MROH2B: variants seen among roughly 807,000 people sequenced by gnomAD.
The protein encoded by MROH2B is maestro heat-like repeat-containing protein family member 2B.
In MROH2B, 177 loss-of-function variants were observed where a neutral mutation model predicts 208.6. The observed-to-expected ratio is 0.85, with a 90% CI of 0.75 to 0.96. The LOEUF (loss-of-function observed/expected upper bound fraction) is 0.96, where lower values mean the gene tolerates loss of function less well. Among genes scored for constraint, MROH2B ranks in the 40% least tolerant of loss-of-function variants. MROH2B has a pLI of 0.00. For missense variants in MROH2B, 2,002 were observed against 1,878.7 expected, an observed-to-expected ratio of 1.07 and a Z score of -1.21; for synonymous variants, 728 against 659.0, an observed-to-expected ratio of 1.10 and a Z score of -1.60.
chr5:41,005,647 T>C lies in MROH2B; in HGVS notation c.3750-2A>G, dbSNP rs1299788652. ...CCGTGTTGCCACACTGCCATGCTCC[T>C]AGAAAATGCACATTTTAGCAGAGAC... On this transcript the variant is annotated splice_acceptor_variant, in intron 34 of 41. Coordinates refer to ENST00000399564, the MANE Select transcript of MROH2B (RefSeq NM_173489.5). LOFTEE classifies it high-confidence loss of function. The C allele has an allele frequency of 6.2e-7, 1 of 1,604,204 alleles. No individual in the cohort carries two copies. Among genetic ancestry groups the C allele is most frequent in the South Asian group, 1.1e-5 (1 of 89,342 alleles).
chr5:41,002,972 T>G (rs1055976276), intron 37 of MROH2B, among the ~76,000 whole-genome samples: 2 of 151,832 alleles, frequency 1.3e-5, no homozygotes, highest in East Asian at 3.9e-4. Context: ...TTTTTTTTTT[T>G]TTTTTGAGAT....
At chr5:40,998,226 G>T in intron 41 of MROH2B, 68 bp from the exon 42 acceptor site, 2 of 1,322,322 alleles carry the variant, frequency 1.5e-6, no homozygotes, top group Non-Finnish European at 2.1e-6. Context: ...GGCAAACCAA[G>T]CCAAGGCCCA....
chr5:41,057,409 C>T, intron 7 of MROH2B, 49 bp from the exon 8 acceptor site: 2 of 1,397,872 alleles, frequency 1.4e-6, no homozygotes, highest in Non-Finnish European at 2.0e-6. Context: ...AGGGAAGCAG[C>T]TGCACAGGAT....
intron 34 of MROH2B, among the ~76,000 whole-genome samples, chr5:41,006,758 T>C (rs567737218): frequency 6.6e-6 from 1 of 152,326 alleles, no homozygotes; most frequent in Non-Finnish European, 1.5e-5. Context: ...CATTGTATGT[T>C]CTGTCTCATA....
intron 11 of MROH2B, among the ~76,000 whole-genome samples, chr5:41,053,203 G>C (rs927522219): frequency 6.6e-6 from 1 of 152,126 alleles, no homozygotes; most frequent in African/African-American, 2.4e-5. Context: ...TATGAAAACT[G>C]GATTTTTGTT....
At chr5:41,019,348 G>GAA (rs1742068438) in intron 24 of MROH2B, among the ~76,000 whole-genome samples, 1 of 145,644 alleles carries the variant, frequency 6.9e-6, no homozygotes, top group Non-Finnish European at 1.5e-5. Flanking sequence ...GTGTGTGAGA[G>GAA]AGAGTGAGAA....
At chr5:41,024,400 A>G (rs1372352423) in intron 24 of MROH2B, among the ~76,000 whole-genome samples, 1 of 152,208 alleles carries the variant, frequency 6.6e-6, no homozygotes, top group Non-Finnish European at 1.5e-5. Context: ...CTCTGATAAA[A>G]CAGACTTTAA....
intron 37 of MROH2B, among the ~76,000 whole-genome samples, chr5:41,001,476 A>G (rs757828613): frequency 6.6e-5 from 10 of 152,128 alleles, no homozygotes; most frequent in African/African-American, 2.4e-4. Flanking sequence ...CTTTGGGAGC[A>G]GAGGCAGGCA....
intron 9 of MROH2B, among the ~76,000 whole-genome samples, chr5:41,056,201 A>G (rs1344295343): frequency 6.6e-6 from 1 of 152,194 alleles, no homozygotes; most frequent in African/African-American, 2.4e-5. Flanking sequence ...CATGGGGCAC[A>G]GTGAGAACAC....
At chr5:41,001,109 G>A (rs575022106) in intron 37 of MROH2B, among the ~76,000 whole-genome samples, 1 of 152,304 alleles carries the variant, frequency 6.6e-6, no homozygotes, top group Admixed American at 6.5e-5. Flanking sequence ...GTGGGGAAGT[G>A]TGACCAGGAC....
At chr5:41,013,677 G>A (rs1037643868) in intron 29 of MROH2B, among the ~76,000 whole-genome samples, 3 of 152,174 alleles carry the variant, frequency 2.0e-5, no homozygotes, top group Non-Finnish European at 2.9e-5. Context: ...AATGCTTGCC[G>A]GTTGTCCAAG....
At chr5:41,064,300 T>A (rs1743730140) in intron 5 of MROH2B, among the ~76,000 whole-genome samples, 172 bp downstream of exon 5, 1 of 152,232 alleles carries the variant, frequency 6.6e-6, no homozygotes, top group African/African-American at 2.4e-5. Context: ...GATGATTGAA[T>A]GAGATAACTC....
intron 24 of MROH2B, among the ~76,000 whole-genome samples, chr5:41,026,375 A>T (rs1018198987): frequency 3.9e-5 from 6 of 152,208 alleles, no homozygotes; most frequent in African/African-American, 1.4e-4. Context: ...AATCACAAGC[A>T]TTCTTATACA....
At chr5:41,042,667 C>T (rs547273211) in intron 18 of MROH2B, among the ~76,000 whole-genome samples, 153 of 152,190 alleles carry the variant, frequency 1.0e-3, no homozygotes, top group African/African-American at 3.5e-3. Flanking sequence ...TGCAGTGGTG[C>T]GATCTTGGCT....
chr5:40,998,489 C>T (rs1393007670), intron 41 of MROH2B, 123 bp downstream of exon 41: 26 of 775,818 alleles, frequency 3.4e-5, no homozygotes, highest in Non-Finnish European at 5.1e-5. Flanking sequence ...TAGAGAGCAT[C>T]AGAGACAATA....
At chr5:41,061,039 C>T (rs1743621858) in intron 6 of MROH2B, among the ~76,000 whole-genome samples, 2 of 152,172 alleles carry the variant, frequency 1.3e-5, no homozygotes, top group South Asian at 4.1e-4. Flanking sequence ...CATGTGAATG[C>T]ACTTTGTAAT....
Position 41,048,309 on chromosome 5 carries a change from C to T in MROH2B, c.1684+15G>A. ...CTTGCCCCCTGGGTAAAGACCTGGC[C>T]CCAATCCCTTGTACCTTCCAGAGGC... On this transcript the variant is annotated intron_variant, in intron 16 of 41. Coordinates refer to ENST00000399564, the MANE Select transcript of MROH2B (RefSeq NM_173489.5). 2.5e-6 allele frequency: 4 copies of T among 1,602,646 alleles called. No individual in the cohort carries two copies. The East Asian group carries it at 9.0e-5, about 36-fold the overall frequency.
chr5:41,061,931 A>G (rs1485646838), intron 5 of MROH2B, among the ~76,000 whole-genome samples: 1 of 152,082 alleles, frequency 6.6e-6, no homozygotes, highest in Non-Finnish European at 1.5e-5. Context: ...ACTATCCAGA[A>G]TGTCTAAAAT....
chr5:41,033,808 T>TCTAA (rs753703187), intron 22 of MROH2B, 30 bp downstream of exon 22: 1 of 973,792 alleles, frequency 1.0e-6, no homozygotes, highest in Non-Finnish European at 1.4e-6. Flanking sequence ...TATCTATCTA[T>TCTAA]CTATCTATCT....
Sources: gnomAD v4.1 joint callset for allele counts (sites outside exome capture counted in the v4.1 genomes callset) on GRCh38, gnomAD v4.1.1 for gene constraint, MANE v1.5 for transcripts, NCBI Gene and HGNC (gene_info 2026-07-23, HGNC 2026-07-21) for gene names.